Variants in PCSK5 observed in about 807,000 individuals in gnomAD.
The protein encoded by PCSK5 is prohormone convertase 5.
In PCSK5, 129 loss-of-function variants were observed where a neutral mutation model predicts 233.2. The observed-to-expected ratio is 0.55, with a 90% confidence interval of 0.48 to 0.64. The LOEUF is 0.64. PCSK5 is among the 30% of genes least tolerant of loss of function. The pLI, the probability that PCSK5 is intolerant of heterozygous loss-of-function variation, is 0.00. For synonymous variants in PCSK5, 825 were observed against 879.2 expected, an observed-to-expected ratio of 0.94 and a Z score of 1.09; for missense variants, 2,076 against 2,430.1, an observed-to-expected ratio of 0.85 and a Z score of 3.06.
Position 76,358,810 on chromosome 9 carries a change from T to A in PCSK5, c.5552T>A (p.Val1851Asp), listed in dbSNP as rs1355385101. The A allele has an allele frequency of 6.2e-7, 1 of 1,612,814 alleles. No homozygotes were observed. Among genetic ancestry groups the A allele is most frequent in the East Asian group, 2.2e-5 (1 of 44,904 alleles). ...DYDEDDDDDI[V>D]YMGQDGTVYR... ...GATGAGGATGATGATGATGACATCG[T>A]CTACATGGGCCAGGATGGCACAGTC... Residue 1851 changes from valine to aspartate, a missense_variant, in exon 38 of 38, where the codon GTC (valine) becomes GAC (aspartate). Val to Asp is a radical substitution (Grantham distance 152, BLOSUM62 -3). This residue lies in a region of PCSK5 where 1,510 missense variants were observed against 1,538.1 expected (regional missense o/e 0.98). Transcript: ENST00000674117.
chr9:76,342,895 G>T (rs1051351386), intron 35 of PCSK5, among the ~76,000 whole-genome samples: 1 of 151,946 alleles, frequency 6.6e-6, no homozygotes, highest in Non-Finnish European at 1.5e-5. Flanking sequence ...CATTCAATTT[G>T]TTCCCAAATC....
intron 20 of PCSK5, among the ~76,000 whole-genome samples, chr9:76,204,400 C>A (rs890920479): frequency 6.6e-6 from 1 of 152,264 alleles, no homozygotes. Context: ...TACCCCTACA[C>A]CCATCTCAAT....
At chr9:76,112,205 GTGAA>G (rs2131693655) in intron 9 of PCSK5, among the ~76,000 whole-genome samples, 1 of 152,276 alleles carries the variant, frequency 6.6e-6, no homozygotes, top group East Asian at 1.9e-4. Context: ...ACACTATACA[GTGAA>G]TGGTAAATAA....
chr9:76,110,795 T>C (rs998516592), intron 9 of PCSK5, among the ~76,000 whole-genome samples: 2 of 152,120 alleles, frequency 1.3e-5, no homozygotes, highest in African/African-American at 4.8e-5. Flanking sequence ...TTTCCAAACA[T>C]AACAAGTTTG....
intron 2 of PCSK5, among the ~76,000 whole-genome samples, chr9:75,982,879 A>C (rs1826339834): frequency 6.6e-6 from 1 of 152,022 alleles, no homozygotes; most frequent in South Asian, 2.1e-4. Flanking sequence ...TTAGTGTTAA[A>C]CATCTCTCAT....
intron 20 of PCSK5, among the ~76,000 whole-genome samples, chr9:76,209,687 T>C (rs1444255378): frequency 6.6e-6 from 1 of 152,148 alleles, no homozygotes; most frequent in Non-Finnish European, 1.5e-5. Context: ...AGAAAATTAC[T>C]CTTGACCTTA....
At chr9:76,271,831 T>G (rs1243934660) in intron 24 of PCSK5, among the ~76,000 whole-genome samples, 2 of 152,202 alleles carry the variant, frequency 1.3e-5, no homozygotes, top group African/African-American at 4.8e-5. Flanking sequence ...TCCTTGTGGC[T>G]GCTGGCAGTC....
chr9:76,040,351 C>CTG (rs1829049226), intron 5 of PCSK5, among the ~76,000 whole-genome samples: 1 of 57,218 alleles, frequency 1.7e-5, no homozygotes, highest in Non-Finnish European at 3.2e-5. Flanking sequence ...CTCTCTCTCT[C>CTG]TCTCTCTCTC....
chr9:76,279,591 T>G (rs1827803067), intron 24 of PCSK5, among the ~76,000 whole-genome samples: 2 of 151,680 alleles, frequency 1.3e-5, no homozygotes, highest in Admixed American at 6.6e-5. Context: ...CCTGACTTTT[T>G]AATGATTGCC....
intron 2 of PCSK5, among the ~76,000 whole-genome samples, chr9:75,982,288 T>A (rs564141771): frequency 2.2e-4 from 33 of 152,314 alleles, no homozygotes; most frequent in Non-Finnish European, 3.8e-4. Context: ...AGTGTTTTAG[T>A]AAATAACCTC....
chr9:76,004,586 C>T (rs535740749), intron 3 of PCSK5, among the ~76,000 whole-genome samples: 2 of 152,164 alleles, frequency 1.3e-5, no homozygotes, highest in South Asian at 2.1e-4. Flanking sequence ...TCAGTGCTTG[C>T]GAGGTGTTGG....
intron 2 of PCSK5, among the ~76,000 whole-genome samples, chr9:75,966,721 A>C (rs764754486): frequency 8.5e-5 from 13 of 152,214 alleles, no homozygotes; most frequent in Non-Finnish European, 1.8e-4. Context: ...CCAAATACCT[A>C]TTATGTGCCC....
chr9:76,242,932 C>A (rs1221752352), intron 24 of PCSK5, among the ~76,000 whole-genome samples: 4 of 152,166 alleles, frequency 2.6e-5, no homozygotes, highest in Non-Finnish European at 5.9e-5. Flanking sequence ...CTTCAAGACA[C>A]CTTGACAGGA....
At chr9:76,020,202 T>C (rs1828121949) in intron 3 of PCSK5, among the ~76,000 whole-genome samples, 1 of 152,226 alleles carries the variant, frequency 6.6e-6, no homozygotes, top group African/African-American at 2.4e-5. Context: ...CTCTGGGTGC[T>C]GCTGTAACAT....
chr9:76,261,362 C>T (rs1044686061), intron 24 of PCSK5, among the ~76,000 whole-genome samples: 1 of 152,094 alleles, frequency 6.6e-6, no homozygotes, highest in Admixed American at 6.5e-5. Context: ...TGATTCTATA[C>T]CTAGAAAACC....
At chr9:76,307,180 C>T (rs947228293) in intron 28 of PCSK5, among the ~76,000 whole-genome samples, 1 of 151,780 alleles carries the variant, frequency 6.6e-6, no homozygotes, top group African/African-American at 2.4e-5. Flanking sequence ...GTTTAATTAC[C>T]GTATCCATGG....
At chr9:76,155,630 TGATGAATG>T (rs1214721581) in intron 10 of PCSK5, among the ~76,000 whole-genome samples, 7 of 152,118 alleles carry the variant, frequency 4.6e-5, no homozygotes, top group Non-Finnish European at 7.4e-5. Context: ...GAGGGATGGA[TGATGAATG>T]GATGAATGGA....
intron 24 of PCSK5, among the ~76,000 whole-genome samples, chr9:76,247,463 C>T (rs1826650949): frequency 6.6e-6 from 1 of 152,106 alleles, no homozygotes; most frequent in African/African-American, 2.4e-5. Flanking sequence ...TTCTTTAACT[C>T]CTGTCTTTGC....
chr9:76,075,578 T>G (rs973324219), intron 7 of PCSK5, among the ~76,000 whole-genome samples: 1 of 152,234 alleles, frequency 6.6e-6, no homozygotes, highest in Non-Finnish European at 1.5e-5. Flanking sequence ...TATTATCATT[T>G]GTATTTTTGT....
Sources: allele counts gnomAD v4.1 joint callset (sites outside exome capture counted in the v4.1 genomes callset), GRCh38; gene constraint gnomAD v4.1.1; regional missense constraint gnomAD v4.1.1; transcripts MANE v1.5; gene names NCBI Gene and HGNC (gene_info 2026-07-23, HGNC 2026-07-21).